Variants in MAGI2 observed in about 807,000 individuals in gnomAD.
MAGI2 encodes membrane associated guanylate kinase, WW and PDZ domain containing 2.
Under a neutral mutation model 133.3 loss-of-function variants are expected in MAGI2, and 35 were observed. That is an observed-to-expected ratio of 0.26 (90% CI 0.20 to 0.35). MAGI2 has a LOEUF of 0.35. Ranked by LOEUF, MAGI2 falls within the 10% of genes least tolerant of loss-of-function variation. The pLI is 1.00. For synonymous variants in MAGI2, 729 were observed against 710.6 expected (o/e 1.03, Z -0.41); for missense variants, 1,636 against 1,863.4 (o/e 0.88, Z 2.25).
intron 1 of MAGI2, among the ~76,000 whole-genome samples, chr7:79,252,239 C>T (rs1270080421): frequency 4.0e-5 from 6 of 150,434 alleles, no homozygotes; most frequent in African/African-American, 1.5e-4. Flanking sequence ...TACTATTCAG[C>T]CATAAAAAGT....
At chr7:78,467,717 T>C (rs1172952037) in intron 6 of MAGI2, among the ~76,000 whole-genome samples, 2 of 152,114 alleles carry the variant, frequency 1.3e-5, no homozygotes, top group Admixed American at 1.3e-4. Context: ...TGAATTCTTA[T>C]ATATGTGTGA....
intron 1 of MAGI2, among the ~76,000 whole-genome samples, chr7:79,015,024 T>C (rs1808547294): frequency 6.6e-6 from 1 of 152,238 alleles, no homozygotes; most frequent in African/African-American, 2.4e-5. Context: ...AATATCTTCA[T>C]TCATAAAACT....
intron 20 of MAGI2, among the ~76,000 whole-genome samples, chr7:78,106,738 C>G (rs930467911): frequency 2.0e-5 from 3 of 152,040 alleles, no homozygotes; most frequent in Non-Finnish European, 4.4e-5. Flanking sequence ...TGTTTGAGCT[C>G]CATATACATT....
At chr7:79,011,106 G>A (rs1372818368) in intron 1 of MAGI2, 1 of 152,128 alleles carries the variant, frequency 6.6e-6, no homozygotes, top group Non-Finnish European at 1.5e-5. Flanking sequence ...ATGGTACTGG[G>A]CTTAGAACAA....
chr7:78,020,430 C>T (rs1366809217), intron 21 of MAGI2, among the ~76,000 whole-genome samples: 1 of 152,032 alleles, frequency 6.6e-6, no homozygotes, highest in African/African-American at 2.4e-5. Context: ...AGCACGGGGC[C>T]CAGGAAGTCC....
chr7:78,034,964 T>C (rs2960456), intron 21 of MAGI2: 49,503 of 152,272 alleles, frequency 0.33, 8,638 homozygotes, highest in Non-Finnish European at 0.37. Flanking sequence ...TGCGTGGTAT[T>C]TGGGGGGACT....
intron 2 of MAGI2, among the ~76,000 whole-genome samples, chr7:78,971,789 C>T (rs1174944102): frequency 6.6e-6 from 1 of 151,700 alleles, no homozygotes; most frequent in Non-Finnish European, 1.5e-5. Flanking sequence ...CTCAATTTCT[C>T]ACCTGTATAA....
In MAGI2 at chr7:79,310,162, C is replaced by CAAAAAAAAA. The variant is rs71518921; in HGVS notation, c.301+142849_301+142857dup. The stretch of plus-strand genomic sequence containing the variant: ...CTGGGAGACAGAGGAGAGTCCATCT[C>CAAAAAAAAA]AAAAAAAAAAAAAAAAAAAAAAAAA... On this transcript the variant is annotated intron_variant, in intron 1 of 21. Transcript: ENST00000354212. Among the ~76,000 whole-genome samples the CAAAAAAAAA allele has an allele frequency of 6.1e-4, 10 of 16,304 alleles. 1 individual carries two copies. The highest frequency in any genetic ancestry group is 2.4e-3 in the East Asian group (1 of 418). The allele number at this position is 16,304 out of a possible 152,430, so 10.7% of individuals were successfully genotyped here.
chr7:78,269,426 C>T (rs1189560489), intron 9 of MAGI2, among the ~76,000 whole-genome samples: 1 of 152,174 alleles, frequency 6.6e-6, no homozygotes, highest in African/African-American at 2.4e-5. Flanking sequence ...TCATGTTCTC[C>T]ACATCCTCTC....
intron 2 of MAGI2, among the ~76,000 whole-genome samples, chr7:78,819,667 A>G (rs1789917154): frequency 6.6e-6 from 1 of 152,026 alleles, no homozygotes; most frequent in African/African-American, 2.4e-5. Context: ...TTTAAGTTAT[A>G]TGAACAATTT....
chr7:78,614,320 T>G (rs185735775), intron 3 of MAGI2: 2 of 151,160 alleles, frequency 1.3e-5, no homozygotes, highest in Admixed American at 1.3e-4. Context: ...AGAGAAAACA[T>G]TTCCACATAC....
chr7:78,231,265 G>T (rs2150874039), intron 10 of MAGI2, among the ~76,000 whole-genome samples: 1 of 152,312 alleles, frequency 6.6e-6, no homozygotes, highest in East Asian at 1.9e-4. Context: ...GAGGCAACAA[G>T]ACTAGAGAAG....
At chr7:78,262,997 A>G (rs2150966071) in intron 9 of MAGI2, among the ~76,000 whole-genome samples, 1 of 152,218 alleles carries the variant, frequency 6.6e-6, no homozygotes, top group Non-Finnish European at 1.5e-5. Flanking sequence ...TCTGTCTAGT[A>G]GTCCCCAGTG....
chr7:78,260,651 A>C (rs1441786065), intron 9 of MAGI2, among the ~76,000 whole-genome samples: 1 of 152,114 alleles, frequency 6.6e-6, no homozygotes, highest in African/African-American at 2.4e-5. Context: ...TGTTTGCTAA[A>C]TGGTCATTCA....
At chr7:78,274,543 C>A (rs1473053107) in intron 9 of MAGI2, among the ~76,000 whole-genome samples, 1 of 152,118 alleles carries the variant, frequency 6.6e-6, no homozygotes, top group Non-Finnish European at 1.5e-5. Context: ...CCCAGAACCG[C>A]CCCTTCCCCC....
At chr7:79,239,918 T>C (rs764898107) in intron 1 of MAGI2, among the ~76,000 whole-genome samples, 1 of 152,208 alleles carries the variant, frequency 6.6e-6, no homozygotes, top group Non-Finnish European at 1.5e-5. Context: ...AATCTTAGAA[T>C]TGCTCCTGCC....
intron 2 of MAGI2, among the ~76,000 whole-genome samples, chr7:78,815,069 C>CTA (rs373680853): frequency 6.6e-5 from 10 of 151,974 alleles, no homozygotes; most frequent in Middle Eastern, 3.2e-3. Context: ...TTGCTTATTT[C>CTA]TATATATATA....
intron 3 of MAGI2, among the ~76,000 whole-genome samples, chr7:78,552,983 G>A (rs1191757844): frequency 6.6e-6 from 1 of 151,874 alleles, no homozygotes; most frequent in Non-Finnish European, 1.5e-5. Context: ...GAGAGTTTGT[G>A]GCTTTTAAGA....
intron 2 of MAGI2, among the ~76,000 whole-genome samples, chr7:78,752,131 G>C (rs1321001809): frequency 6.6e-6 from 1 of 152,180 alleles, no homozygotes; most frequent in Non-Finnish European, 1.5e-5. Flanking sequence ...GGTAAGAAGT[G>C]GAAGTAATTC....
Sources: gnomAD v4.1 joint callset for allele counts (sites outside exome capture counted in the v4.1 genomes callset) on GRCh38, gnomAD v4.1.1 for gene constraint, MANE v1.5 for transcripts, NCBI Gene and HGNC (gene_info 2026-07-23, HGNC 2026-07-21) for gene names.